ELP1: variants seen among roughly 807,000 people sequenced by gnomAD.
ELP1 encodes elongator complex protein 1.
Under a neutral mutation model 183.2 loss-of-function variants are expected in ELP1, and 131 were observed. The observed-to-expected ratio is 0.72, with a 90% CI of 0.62 to 0.83. The LOEUF is 0.83. ELP1 is among the 40% of genes least tolerant of loss of function. ELP1 has a pLI of 0.00. For missense variants in ELP1, 1,550 were observed against 1,594.9 expected, an observed-to-expected ratio of 0.97 and a Z score of 0.48; for synonymous variants, 555 against 569.0, an observed-to-expected ratio of 0.98 and a Z score of 0.35.
chr9:108,930,663 C>G (rs1190679545), intron 2 of ELP1, among the ~76,000 whole-genome samples: 1 of 136,860 alleles, frequency 7.3e-6, no homozygotes, highest in East Asian at 2.6e-4. Flanking sequence ...TGCACTCCAG[C>G]CTGGGTGACA....
At chr9:108,892,700 A>C (rs1049758388) in intron 27 of ELP1, among the ~76,000 whole-genome samples, 2 of 152,294 alleles carry the variant, frequency 1.3e-5, no homozygotes, top group Non-Finnish European at 1.5e-5. Context: ...TATATGGGAA[A>C]GATCTGTACT....
intron 5 of ELP1, 140 bp downstream of exon 5, chr9:108,926,383 C>A: frequency 1.4e-6 from 1 of 727,948 alleles, no homozygotes. Flanking sequence ...GCTGAAGGAA[C>A]TGGGCTAATA....
chr9:108,876,314 AGAT>A (rs1827704191), intron 35 of ELP1, among the ~76,000 whole-genome samples: 1 of 152,184 alleles, frequency 6.6e-6, no homozygotes, highest in Admixed American at 6.5e-5. Flanking sequence ...ACAGTTTTGA[AGAT>A]GATGATCACA....
At chr9:108,925,077 C>A (rs1462275524) in intron 5 of ELP1, among the ~76,000 whole-genome samples, 3 of 152,176 alleles carry the variant, frequency 2.0e-5, no homozygotes, top group East Asian at 3.9e-4. Context: ...TCTAGCCCCA[C>A]ACAAACCTTC....
chr9:108,869,137 C>T lies in ELP1; in HGVS notation c.3977G>A (p.Trp1326Ter), dbSNP rs1554735724. ...CACTCAGTCTAGCAGGCTCAGCTTC[C>T]ACTGGGTTCTTCTGTTGATCTTTGG... Reference protein sequence around the residue: ...IPPKINRRTQWKLSLLD With the variant: ...IPPKINRRTQ The change falls in exon 37 of 37, where the codon TGG becomes TAG. Residue 1326 changes from tryptophan to a stop codon, truncating the protein, a stop_gained. Coordinates refer to ENST00000374647, the MANE Select transcript of ELP1 (RefSeq NM_003640.5). LOFTEE classifies it high-confidence loss of function. 2 of 1,614,138 alleles carry T rather than the reference C, an allele frequency of 1.2e-6. No individual in the cohort carries two copies. The highest frequency in any genetic ancestry group is 4.5e-5 in the East Asian group (2 of 44,884).
intron 28 of ELP1, chr9:108,889,636 GA>G: frequency 1.8e-6 from 1 of 566,100 alleles, no homozygotes; most frequent in Non-Finnish European, 3.2e-6. Flanking sequence ...ATGTATATGG[GA>G]AAATGACCTG....
In ELP1 at chr9:108,868,879, C is replaced by A; in HGVS notation, c.*236G>T. 1 of 604,824 alleles carries A rather than the reference C, an allele frequency of 1.7e-6. No homozygotes were observed. The highest frequency in any genetic ancestry group is 2.9e-6 in the Non-Finnish European group (1 of 339,056). The allele number at this position is 604,824 out of a possible 1,614,324, so 37.5% of individuals were successfully genotyped here. ...CCAAGTGAAAGAACAATCATTCTCA[C>A]AAAATGGTGCCATAATGGTTAAAGC... is the stretch of plus-strand genomic sequence containing the variant. On this transcript the variant is annotated 3_prime_UTR_variant, in exon 37 of 37. Transcript: ENST00000374647.
chr9:108,917,776 C>T (rs540809714), intron 8 of ELP1, 106 bp from the exon 9 acceptor site: 27 of 1,163,352 alleles, frequency 2.3e-5, no homozygotes, highest in South Asian at 1.7e-4. Flanking sequence ...AATGAATGAA[C>T]GAATTAATGA....
chr9:108,895,076 G>A (rs1016323290), intron 25 of ELP1, among the ~76,000 whole-genome samples: 1 of 151,966 alleles, frequency 6.6e-6, no homozygotes, highest in Non-Finnish European at 1.5e-5. Context: ...GCGAAACCCC[G>A]TCTCAACAAA....
At chr9:108,916,731 T>C (rs978306841) in intron 9 of ELP1, among the ~76,000 whole-genome samples, 1 of 152,208 alleles carries the variant, frequency 6.6e-6, no homozygotes, top group Non-Finnish European at 1.5e-5. Context: ...TGTAAGTATA[T>C]ATATGTATAG....
chr9:108,903,092 T>C, intron 15 of ELP1, 150 bp from the exon 16 acceptor site: 1 of 464,484 alleles, frequency 2.2e-6, no homozygotes, highest in Non-Finnish European at 3.7e-6. Flanking sequence ...TATATTTTTA[T>C]TATACTTTAA....
At chr9:108,908,744 T>A (rs1829106989) in intron 12 of ELP1, among the ~76,000 whole-genome samples, 3 of 152,234 alleles carry the variant, frequency 2.0e-5, no homozygotes, top group Admixed American at 1.3e-4. Context: ...CTATTCTTCA[T>A]CCAGTTTATT....
chr9:108,882,653 G>A (rs546503227), intron 29 of ELP1, among the ~76,000 whole-genome samples: 1 of 147,590 alleles, frequency 6.8e-6, no homozygotes, highest in African/African-American at 2.5e-5. Context: ...GGGATGCAGT[G>A]GCATAATCAC....
At position 108,931,216 on chromosome 9, in the gene ELP1, A is replaced by G; in HGVS notation, c.-55-15T>C. 1 of 1,348,446 alleles carries G rather than the reference A, an allele frequency of 7.4e-7. No homozygotes were observed. The highest frequency in any genetic ancestry group is 1.4e-5 in the African/African-American group (1 of 69,870). 83.5% of individuals were successfully genotyped at this position (1,348,446 alleles called of 1,614,324 possible). ...ATCATTAATCTCTAAGAGAAAAATA[A>G]ATAGCTTAATAGTGATAAATGACCA... On this transcript the variant is annotated splice_polypyrimidine_tract_variant and intron_variant, in intron 1 of 36. Coordinates refer to ENST00000374647, the MANE Select transcript of ELP1 (RefSeq NM_003640.5).
Position 108,922,859 on chromosome 9 carries a change from C to T in ELP1, c.535G>A (p.Ala179Thr), listed in dbSNP as rs1323890213. 4 of 1,613,846 alleles carry T rather than the reference C, an allele frequency of 2.5e-6. No individual in the cohort carries two copies. The South Asian group carries it at 3.3e-5, about 13-fold the overall frequency. ...QFHGSEGRQA[A>T]FQMQMHESAL... ...AAACTTACCATTTGCATCTGAAAAG[C>T]TGCTTGTCTGCCTTCTGATCCATGG... Residue 179 changes from alanine to threonine, a missense_variant, in exon 6 of 37, where the codon GCT becomes ACT. By Grantham distance (58) the Ala-to-Thr change is moderately conservative. Coordinates refer to ENST00000374647, the MANE Select transcript of ELP1 (RefSeq NM_003640.5).
chr9:108,899,571 C>T (rs1408181948), intron 20 of ELP1, among the ~76,000 whole-genome samples: 2 of 151,798 alleles, frequency 1.3e-5, no homozygotes, highest in Admixed American at 6.6e-5. Flanking sequence ...ACATGTGTTC[C>T]CTCAGGTTAA....
chr9:108,869,107 GCAGT>G lies in ELP1; in HGVS notation c.*4_*7del. The G allele has an allele frequency of 6.2e-7, 1 of 1,612,206 alleles. No homozygotes were observed. Among genetic ancestry groups the G allele is most frequent in the Non-Finnish European group, 8.5e-7 (1 of 1,178,270 alleles). On this transcript the variant is annotated 3_prime_UTR_variant, in exon 37 of 37. Coordinates refer to ENST00000374647, the MANE Select transcript of ELP1 (RefSeq NM_003640.5). ...CTTCTCTGTCGGATCCCTCCTAACT[GCAGT>G]CACTCAGTCTAGCAGGCTCAGCTTC... is the stretch of plus-strand genomic sequence containing the variant.
rs1828701634 is a variant in ELP1, at chr9:108,899,873, A to G, written c.2153T>C (p.Val718Ala). The G allele has an allele frequency of 1.2e-6, 2 of 1,613,982 alleles. No individual in the cohort carries two copies. Among genetic ancestry groups the G allele is most frequent in the Non-Finnish European group, 1.7e-6 (2 of 1,179,988 alleles). Residue 718 changes from valine (V) to alanine (A), a missense_variant, in exon 20 of 37, where the codon GTT becomes GCT. Physicochemically the swap from Val to Ala is moderately conservative, Grantham distance 64 (BLOSUM62 0). Transcript: ENST00000374647. ...VLQMPRGNLEVVHHRALVLAQ... is the reference protein window; with the variant it reads ...VLQMPRGNLEAVHHRALVLAQ... Reference sequence around the variant, plus strand: ...TAAAACCAGGGCTCGATGATGAACAACTTCTAAGTTTCCCCTTGGCATCTT... The same window carrying G: ...TAAAACCAGGGCTCGATGATGAACAGCTTCTAAGTTTCCCCTTGGCATCTT...
Position 108,868,983 on chromosome 9 carries a change from C to T in ELP1, c.*132G>A, listed in dbSNP as rs1827334852. ...GCTTGTTGTCTGCTGAAGTTCTTGG[C>T]AATGCTAAGGTAAGTTATCATTTTA... is the stretch of plus-strand genomic sequence containing the variant. On this transcript the variant is annotated 3_prime_UTR_variant, in exon 37 of 37. Coordinates refer to ENST00000374647, the MANE Select transcript of ELP1 (RefSeq NM_003640.5). 3 of 784,776 alleles carry T rather than the reference C, an allele frequency of 3.8e-6. No individual in the cohort carries two copies. Among genetic ancestry groups the T allele is most frequent in the Non-Finnish European group, 6.9e-6 (3 of 437,172 alleles). 48.6% of individuals were successfully genotyped at this position (784,776 alleles called of 1,614,324 possible).
Sources: gnomAD v4.1 joint callset for allele counts (sites outside exome capture counted in the v4.1 genomes callset) on GRCh38, gnomAD v4.1.1 for gene constraint, MANE v1.5 for transcripts, NCBI Gene and HGNC (gene_info 2026-07-23, HGNC 2026-07-21) for gene names.